The following NRXN3 variants were observed in gnomAD, a reference collection of about 807,000 sequenced individuals.
NRXN3 encodes the protein neurexin III.
A neutral mutation model predicts 137.6 loss-of-function variants in NRXN3; 32 were observed. The ratio of observed to expected loss-of-function variants is 0.23; its 90% CI spans 0.18 to 0.31. The LOEUF (loss-of-function observed/expected upper bound fraction) is 0.31. Ranked by LOEUF, NRXN3 falls within the 10% of genes least tolerant of loss-of-function variation. The probability of loss-of-function intolerance (pLI) is 1.00; values close to 1 mark genes in which losing one functional copy is unlikely to be tolerated. For synonymous variants in NRXN3, 798 were observed against 784.5 expected (o/e 1.02, Z -0.29); for missense variants, 1,574 against 2,062.5 (o/e 0.76, Z 4.59).
chr14:79,318,483 A>G (rs989280310), intron 15 of NRXN3, among the ~76,000 whole-genome samples: 4 of 152,226 alleles, frequency 2.6e-5, no homozygotes, highest in African/African-American at 7.2e-5. Context: ...ATAAAAAACC[A>G]TTGTTGGAAT....
At chr14:79,785,603 GT>G (rs961290683) in intron 19 of NRXN3, among the ~76,000 whole-genome samples, 1 of 151,834 alleles carries the variant, frequency 6.6e-6, no homozygotes, top group Admixed American at 6.6e-5. Context: ...TCAGAGCACA[GT>G]TTTTTTTCTT....
At chr14:78,365,988 A>G (rs544394839) in intron 4 of NRXN3, among the ~76,000 whole-genome samples, 4 of 152,320 alleles carry the variant, frequency 2.6e-5, no homozygotes, top group African/African-American at 9.6e-5. Context: ...ACTCAGACAG[A>G]TCTGGCTTTA....
intron 19 of NRXN3, among the ~76,000 whole-genome samples, chr14:79,774,701 T>C (rs2099091059): frequency 6.6e-6 from 1 of 152,218 alleles, no homozygotes; most frequent in African/African-American, 2.4e-5. Flanking sequence ...TTATTTTTTA[T>C]GGAAATAATA....
At chr14:79,844,787 C>T (rs2099363617) in intron 20 of NRXN3, among the ~76,000 whole-genome samples, 1 of 152,164 alleles carries the variant, frequency 6.6e-6, no homozygotes, top group Non-Finnish European at 1.5e-5. Context: ...GACTTTAAGT[C>T]ACCAGCTACA....
At chr14:79,168,823 T>C (rs1443814964) in intron 15 of NRXN3, among the ~76,000 whole-genome samples, 1 of 152,108 alleles carries the variant, frequency 6.6e-6, no homozygotes, top group East Asian at 1.9e-4. Context: ...AAATTTATCA[T>C]GAAATGTAAT....
At chr14:78,323,583 C>G (rs556984620) in intron 4 of NRXN3, among the ~76,000 whole-genome samples, 1 of 152,124 alleles carries the variant, frequency 6.6e-6, no homozygotes, top group South Asian at 2.1e-4. Flanking sequence ...TAAATCCTCC[C>G]TGAGCCATAC....
At chr14:79,768,411 C>A (rs368325808) in intron 19 of NRXN3, among the ~76,000 whole-genome samples, 3 of 152,176 alleles carry the variant, frequency 2.0e-5, no homozygotes, top group Non-Finnish European at 4.4e-5. Flanking sequence ...TCTCCCAGCA[C>A]GCAGCTGGAG....
chr14:78,441,989 G>T (rs1230460778), intron 4 of NRXN3, among the ~76,000 whole-genome samples: 3 of 151,924 alleles, frequency 2.0e-5, no homozygotes, highest in Non-Finnish European at 4.4e-5. Context: ...CCAGCTACTC[G>T]GGAGGCTGAG....
chr14:78,487,765 AAATAAAT>A (rs1393278444), intron 4 of NRXN3, among the ~76,000 whole-genome samples: 2 of 151,258 alleles, frequency 1.3e-5, no homozygotes, highest in African/African-American at 4.9e-5. Flanking sequence ...ATAAATAAAT[AAATAAAT>A]AAATAAATAA....
At chr14:78,482,685 CAGAA>C (rs2095493099) in intron 4 of NRXN3, among the ~76,000 whole-genome samples, 1 of 152,146 alleles carries the variant, frequency 6.6e-6, no homozygotes, top group African/African-American at 2.4e-5. Context: ...TCTGTTTTGA[CAGAA>C]AGAATAGACA....
At chr14:78,598,381 A>AGAGG (rs148598416) in intron 4 of NRXN3, among the ~76,000 whole-genome samples, 5,607 of 151,904 alleles carry the variant, frequency 0.037, 153 homozygotes, top group South Asian at 0.062. Context: ...AGAGAGAGAG[A>AGAGG]GAGGGAGGGA....
At chr14:79,174,979 CT>C (rs5809926) in intron 15 of NRXN3, among the ~76,000 whole-genome samples, 105,450 of 124,882 alleles carry the variant, frequency 0.84, 46,264 homozygotes, top group Non-Finnish European at 0.97. Context: ...TTCAGATTTC[CT>C]TTTTTTTTTT....
At chr14:78,718,285 G>C (rs781637586) in intron 8 of NRXN3, among the ~76,000 whole-genome samples, 2 of 152,072 alleles carry the variant, frequency 1.3e-5, no homozygotes, top group Non-Finnish European at 2.9e-5. Flanking sequence ...AACTTCCTTG[G>C]GGGTGAGTCC....
chr14:79,690,462 C>T (rs1001747930), intron 17 of NRXN3, among the ~76,000 whole-genome samples: 3 of 152,032 alleles, frequency 2.0e-5, no homozygotes, highest in Non-Finnish European at 4.4e-5. Flanking sequence ...TTTAAATTAT[C>T]CACTGCAGTT....
At chr14:78,298,064 C>G (rs1480669808) in intron 4 of NRXN3, among the ~76,000 whole-genome samples, 2 of 152,246 alleles carry the variant, frequency 1.3e-5, no homozygotes, top group African/African-American at 4.8e-5. Context: ...CTATTGTCCC[C>G]TTGGCTTCTC....
chr14:79,156,876 C>A (rs950159790), intron 15 of NRXN3, among the ~76,000 whole-genome samples: 41 of 151,858 alleles, frequency 2.7e-4, no homozygotes, highest in African/African-American at 8.0e-4. Flanking sequence ...GGGTCATATA[C>A]TTCTTCATTG....
intron 4 of NRXN3, among the ~76,000 whole-genome samples, chr14:78,610,609 C>A (rs17835333): frequency 0.032 from 4,946 of 152,318 alleles, 99 homozygotes; most frequent in South Asian, 0.073. Context: ...TGTGAAAAAA[C>A]CAAATACCTT....
At chr14:79,280,791 C>T in intron 15 of NRXN3, 1 of 481,548 alleles carries the variant, frequency 2.1e-6, no homozygotes, top group South Asian at 2.2e-5. Context: ...TCATTCATAG[C>T]TGCACAGACA....
intron 10 of NRXN3, among the ~76,000 whole-genome samples, chr14:78,875,891 C>G (rs2099112893): frequency 6.6e-6 from 1 of 152,034 alleles, no homozygotes. Context: ...TTTCACACTT[C>G]TAAGGAACAA....
Sources: allele counts gnomAD v4.1 joint callset (sites outside exome capture counted in the v4.1 genomes callset), GRCh38; gene constraint gnomAD v4.1.1; transcripts MANE v1.5; gene names NCBI Gene and HGNC (gene_info 2026-07-23, HGNC 2026-07-21).